GABRD: variants seen among roughly 807,000 people sequenced by gnomAD.
GABRD encodes the protein gamma-aminobutyric acid receptor subunit delta.
Under a neutral mutation model 47.3 loss-of-function variants are expected in GABRD, and 25 were observed. The ratio of observed to expected loss-of-function variants is 0.53; its 90% CI spans 0.39 to 0.74. GABRD has a LOEUF of 0.74. GABRD is among the 30% of genes least tolerant of loss of function. The pLI is 0.00. For synonymous variants in GABRD, 314 were observed against 278.8 expected (o/e 1.13, Z -1.26); for missense variants, 497 against 643.4 (o/e 0.77, Z 2.46).
chr1:2,026,500 A>G (rs968472141), intron 4 of GABRD: 2 of 152,246 alleles, frequency 1.3e-5, no homozygotes, highest in African/African-American at 4.8e-5. Flanking sequence ...TTTCAGACAC[A>G]TGCCTCTTAA....
rs558071095 is a variant in GABRD at position 2,030,090 on chromosome 1, C to T, written c.1167C>T (p.Gly389=). ...RQRRVPGNLM[G]SYRSVGVETG... is the part of the protein sequence containing the mutation. ...GCCGCGTCCCGGGGAACCTGATGGG[C>T]TCCTACAGGTCGGTGGGGGTGGAGA... The change falls in exon 9 of 9, where the codon GGC becomes GGT. Residue 389 remains glycine (G), a synonymous_variant. Coordinates refer to ENST00000378585, the MANE Select transcript of GABRD (RefSeq NM_000815.5). 2.5e-6 allele frequency: 4 copies of T among 1,603,278 alleles called. No homozygotes were observed. The highest frequency in any genetic ancestry group is 1.3e-5 in the African/African-American group (1 of 74,772).
At position 2,027,935 on chromosome 1, in the gene GABRD, A is replaced by G. The variant is rs1571030495; in HGVS notation, c.554-220A>G. On this transcript the variant is annotated intron_variant, in intron 5 of 8. Transcript: ENST00000378585. ...GCCAGTGCAGCAGCCCCTGTGTGTC[A>G]CCTGACAACGGTGACCCCATCTGTG... 4 of 615,538 alleles carry G rather than the reference A, an allele frequency of 6.5e-6. No individual in the cohort carries two copies. The East Asian group carries it at 8.2e-5, about 13-fold the overall frequency. The allele number at this position is 615,538 out of a possible 1,614,324, so 38.1% of individuals were successfully genotyped here.
chr1:2,023,549 C>A (rs917366190), intron 1 of GABRD: 1 of 152,204 alleles, frequency 6.6e-6, no homozygotes, highest in Non-Finnish European at 1.5e-5. Context: ...GTGGAGTAGC[C>A]CAGCATAGGG....
At position 2,028,303 on chromosome 1, in the gene GABRD, C is replaced by A. The variant is rs1233975453; in HGVS notation, c.691+11C>A. 1.0e-5 allele frequency: 16 copies of A among 1,603,392 alleles called. No homozygotes were observed. Among genetic ancestry groups the A allele is most frequent in the Non-Finnish European group, 1.3e-5 (15 of 1,174,394 alleles). On this transcript the variant is annotated intron_variant, in intron 6 of 8. Transcript: ENST00000378585. The surrounding 1 kb of genome is among the most constrained non-coding windows in gnomAD (Gnocchi z 6.4). Reference sequence around the variant, plus strand: ...TGAACTTCAAGTCCGGTAACATATGCCCGCCGCCCCTTCCGCATGTGCCCG... The same window carrying A: ...TGAACTTCAAGTCCGGTAACATATGACCGCCGCCCCTTCCGCATGTGCCCG...
chr1:2,024,411 G>A (rs964720547), intron 1 of GABRD: 6 of 152,450 alleles, frequency 3.9e-5, no homozygotes, highest in Non-Finnish European at 1.5e-5. Flanking sequence ...GGAGGAGACA[G>A]AGAGTAGGAG....
chr1:2,020,170 C>G (rs1269060383), intron 1 of GABRD, among the ~76,000 whole-genome samples: 1 of 152,294 alleles, frequency 6.6e-6, no homozygotes, highest in South Asian at 2.1e-4. Flanking sequence ...GAAGGAGGCC[C>G]CCCGGGGCTG....
rs771923214 is a variant in GABRD, at chr1:2,025,341, C to G, written c.189C>G (p.Pro63=). Residue 63 remains proline (P), a synonymous_variant, in exon 3 of 9, where the codon CCC becomes CCG. Coordinates refer to ENST00000378585, the MANE Select transcript of GABRD (RefSeq NM_000815.5). ...RNFRPGIGGP[P]VNVALALEVA... ...TCTGCTCTTTCCTTGCAGGCCCCCC[C>G]GTGAATGTGGCCCTTGCCCTGGAGG... The G allele has an allele frequency of 6.2e-6, 10 of 1,613,092 alleles. 1 individual carries two copies. The South Asian group carries it at 1.1e-4, about 18-fold the overall frequency.
intron 4 of GABRD, 45 bp downstream of exon 4, chr1:2,025,783 G>C: frequency 6.5e-7 from 1 of 1,543,054 alleles, no homozygotes; most frequent in Non-Finnish European, 8.9e-7. Flanking sequence ...GCCTGCCCGG[G>C]CCAAGCGTCG....
intron 1 of GABRD, among the ~76,000 whole-genome samples, chr1:2,021,836 G>A (rs1430502152): frequency 1.1e-4 from 16 of 152,290 alleles, no homozygotes; most frequent in South Asian, 4.1e-4. Context: ...CTGGGTGTGC[G>A]CCGTGGAGAA....
intron 2 of GABRD, 121 bp downstream of exon 2, chr1:2,025,175 G>C: frequency 7.9e-7 from 1 of 1,259,276 alleles, no homozygotes; most frequent in Non-Finnish European, 1.1e-6. Context: ...TCCCCTGGGG[G>C]GCTCCATCAG....
chr1:2,025,688 G>T lies in GABRD; in HGVS notation c.420G>T (p.Glu140Asp). 1.9e-6 allele frequency: 3 copies of T among 1,612,978 alleles called. No homozygotes were observed. The Admixed American group carries it at 5.0e-5, about 27-fold the overall frequency. Residue 140 changes from glutamate (E) to aspartate (D), a missense_variant, in exon 4 of 9, where the codon GAG (glutamate) becomes GAT (aspartate). By Grantham distance (45) the Glu-to-Asp change is conservative. Around this residue, in one of 3 missense-constraint regions of GABRD, gnomAD observed 285 missense variants for 436.6 expected, o/e 0.65. Coordinates refer to ENST00000378585, the MANE Select transcript of GABRD (RefSeq NM_000815.5). Reference sequence around the variant, plus strand: ...CCTGGTTCCACGACGTGACGGTGGAGAACAAGCTCATCCGGCTGCAGCCCG... The same window carrying T: ...CCTGGTTCCACGACGTGACGGTGGATAACAAGCTCATCCGGCTGCAGCCCG... ...KSAWFHDVTV[E>D]NKLIRLQPDG... is the part of the protein sequence containing the mutation.
Position 2,025,338 on chromosome 1 carries a change from C to A in GABRD, c.186C>A (p.Pro62=), listed in dbSNP as rs1342582029. Residue 62 remains proline, a synonymous_variant, in exon 3 of 9, where the codon CCC becomes CCA. Coordinates refer to ENST00000378585, the MANE Select transcript of GABRD (RefSeq NM_000815.5). ...ARNFRPGIGG[P]PVNVALALEV... Reference sequence around the variant, plus strand: ...AGTTCTGCTCTTTCCTTGCAGGCCCCCCCGTGAATGTGGCCCTTGCCCTGG... The same window carrying A: ...AGTTCTGCTCTTTCCTTGCAGGCCCACCCGTGAATGTGGCCCTTGCCCTGG... The A allele has an allele frequency of 1.9e-6, 3 of 1,613,096 alleles. No homozygotes were observed. The highest frequency in any genetic ancestry group is 2.5e-6 in the Non-Finnish European group (3 of 1,179,994).
intron 8 of GABRD, 90 bp downstream of exon 8, chr1:2,029,852 G>A: frequency 6.6e-7 from 1 of 1,512,582 alleles, no homozygotes; most frequent in Non-Finnish European, 9.2e-7. Flanking sequence ...GGTCCCAGCT[G>A]TGCTCCCTGA....
In GABRD at chr1:2,028,393, C is replaced by A; in HGVS notation, c.691+101C>A. The A allele has an allele frequency of 8.0e-7, 1 of 1,246,398 alleles. No individual in the cohort carries two copies. Among genetic ancestry groups the A allele is most frequent in the Non-Finnish European group, 1.0e-6 (1 of 971,822 alleles). The allele number at this position is 1,246,398 out of a possible 1,614,324, so 77.2% of individuals were successfully genotyped here. ...GCCCACCGCCCCTTCCGCGTGCGCC[C>A]GCCTGTGGTTTTCATGCTTTTTAGT... On this transcript the variant is annotated intron_variant, in intron 6 of 8. Transcript: ENST00000378585. This position sits in a 1 kb window ranked among gnomAD's most constrained non-coding sequence, Gnocchi z 6.4.
Position 2,019,468 on chromosome 1 carries a change from C to T in GABRD, c.45C>T (p.Cys15=). 9.0e-7 allele frequency: 1 copy of T among 1,113,682 alleles called. No individual in the cohort carries two copies. The highest frequency in any genetic ancestry group is 1.1e-6 in the Non-Finnish European group (1 of 914,176). 69.0% of individuals were successfully genotyped at this position (1,113,682 alleles called of 1,614,324 possible). A position where few individuals can be genotyped will look rare whatever the true frequency, so the allele number is the denominator to read the frequency against. ...ARLLAPLLLL[C]AQQLRGTRAM... is the part of the protein sequence containing the mutation. ...TGCTGGCCCCGCTCCTGCTCCTCTG[C>T]GCGCAGCAGCTCCGCGGCACCAGGT... The change falls in exon 1 of 9, where the codon TGC becomes TGT. Residue 15 remains cysteine (C), a synonymous_variant. Coordinates refer to ENST00000378585, the MANE Select transcript of GABRD (RefSeq NM_000815.5).
intron 2 of GABRD, 124 bp from the exon 3 acceptor site, chr1:2,025,210 A>G: frequency 7.6e-7 from 1 of 1,316,458 alleles, no homozygotes; most frequent in Non-Finnish European, 1.1e-6. Flanking sequence ...AGAGACAGCC[A>G]GGGAGGTGCA....
chr1:2,020,321 C>T (rs2102141762), intron 1 of GABRD, among the ~76,000 whole-genome samples: 1 of 152,350 alleles, frequency 6.6e-6, no homozygotes, highest in Non-Finnish European at 1.5e-5. Context: ...CATTTAGGGG[C>T]GTCTTTGAAA....
intron 1 of GABRD, among the ~76,000 whole-genome samples, chr1:2,023,149 G>A (rs1478175051): frequency 3.3e-5 from 5 of 152,054 alleles, no homozygotes; most frequent in African/African-American, 7.2e-5. Context: ...CTGGAATTGC[G>A]GGTTTAAGAT....
Position 2,029,994 on chromosome 1 carries a change from G to A in GABRD, c.1071G>A (p.Arg357=). The change falls in exon 9 of 9, where the codon AGG becomes AGA. Residue 357 remains arginine (R), a synonymous_variant. Coordinates refer to ENST00000378585, the MANE Select transcript of GABRD (RefSeq NM_000815.5). ...CGGCCTTCGTGCAGATGGACGTGAG[G>A]AACGCCATTGTCCTCTTCTCCCTCT... The part of the protein sequence containing the change: ...VSRPRAEMDV[R]NAIVLFSLSA... The A allele has an allele frequency of 6.2e-7, 1 of 1,612,732 alleles. No individual in the cohort carries two copies. The highest frequency in any genetic ancestry group is 1.7e-5 in the Admixed American group (1 of 59,998).
Sources: allele counts gnomAD v4.1 joint callset (sites outside exome capture counted in the v4.1 genomes callset), GRCh38; gene constraint gnomAD v4.1.1; regional missense constraint gnomAD v4.1.1; non-coding constraint Gnocchi (gnomAD v3.1); transcripts MANE v1.5; gene names NCBI Gene and HGNC (gene_info 2026-07-23, HGNC 2026-07-21).